Variants in LHCGR observed in about 807,000 individuals in gnomAD.
LHCGR encodes luteinizing hormone/choriogonadotropin receptor.
In LHCGR, 55 loss-of-function variants were observed where a neutral mutation model predicts 60.7. The observed-to-expected ratio is 0.91, with a 90% CI of 0.73 to 1.13. The LOEUF is 1.13. LHCGR is among the 50% of genes most tolerant of loss of function. The probability of loss-of-function intolerance (pLI) is 0.00; values close to 1 mark genes in which losing one functional copy is unlikely to be tolerated. For missense variants in LHCGR, 862 were observed against 836.0 expected, an observed-to-expected ratio of 1.03 and a Z score of -0.38; for synonymous variants, 337 against 316.5, an observed-to-expected ratio of 1.06 and a Z score of -0.69.
At chr2:48,706,213 A>G (rs576090221) in intron 8 of LHCGR, among the ~76,000 whole-genome samples, 26 of 152,326 alleles carry the variant, frequency 1.7e-4, no homozygotes, top group African/African-American at 6.3e-4. Context: ...AGAATGTTGA[A>G]TATTGGCCCC....
chr2:48,749,670 A>G (rs1198278212), intron 1 of LHCGR, among the ~76,000 whole-genome samples: 5 of 151,932 alleles, frequency 3.3e-5, no homozygotes, highest in African/African-American at 1.2e-4. Context: ...GAGGTGGGCA[A>G]AAGAGCAGAA....
chr2:48,698,614 C>G lies in LHCGR; in HGVS notation c.866+1G>C. ...GGCTTTACCTTTTGGTTTCTACTTA[C>G]TCTTTTGTTGGCAAGTTTCTAAAAG... On this transcript the variant is annotated splice_donor_variant, in intron 9 of 10. Coordinates refer to ENST00000294954, the MANE Select transcript of LHCGR (RefSeq NM_000233.4). LOFTEE classifies it high-confidence loss of function. 6.2e-7 allele frequency: 1 copy of G among 1,613,696 alleles called. No individual in the cohort carries two copies.
chr2:48,731,142 T>A (rs922880768), intron 2 of LHCGR, 85 bp downstream of exon 2: 1 of 887,356 alleles, frequency 1.1e-6, no homozygotes, highest in African/African-American at 1.7e-5. Context: ...CCTAGAAAAA[T>A]TATCCCCTTT....
intron 1 of LHCGR, among the ~76,000 whole-genome samples, chr2:48,732,583 A>G (rs1005986946): frequency 2.0e-5 from 3 of 152,186 alleles, no homozygotes; most frequent in African/African-American, 7.2e-5. Flanking sequence ...TAACCTGAAC[A>G]AGGTTACAAC....
intron 3 of LHCGR, among the ~76,000 whole-genome samples, chr2:48,728,780 G>A (rs1668857460): frequency 6.6e-6 from 1 of 152,160 alleles, no homozygotes; most frequent in Admixed American, 6.5e-5. Context: ...ATGAGTGAAT[G>A]TGCCAAAACA....
chr2:48,694,825 C>G (rs1463222090), intron 9 of LHCGR, among the ~76,000 whole-genome samples: 1 of 152,122 alleles, frequency 6.6e-6, no homozygotes, highest in Non-Finnish European at 1.5e-5. Context: ...ATCTTTCCCT[C>G]TAAGAAGTTT....
At chr2:48,722,635 C>T (rs1348352695) in intron 6 of LHCGR, among the ~76,000 whole-genome samples, 1 of 152,162 alleles carries the variant, frequency 6.6e-6, no homozygotes, top group Non-Finnish European at 1.5e-5. Flanking sequence ...GGTGCTGGCT[C>T]ACCCTTCACC....
At chr2:48,742,792 C>T (rs1419052988) in intron 1 of LHCGR, among the ~76,000 whole-genome samples, 1 of 151,860 alleles carries the variant, frequency 6.6e-6, no homozygotes, top group African/African-American at 2.4e-5. Flanking sequence ...ACTAGAAAAG[C>T]AAGAGCAAAC....
intron 9 of LHCGR, among the ~76,000 whole-genome samples, chr2:48,695,561 C>T (rs1667075930): frequency 6.6e-6 from 1 of 152,000 alleles, no homozygotes; most frequent in African/African-American, 2.4e-5. Context: ...CGGTATATAC[C>T]CAATGAAATA....
intron 1 of LHCGR, among the ~76,000 whole-genome samples, chr2:48,742,680 C>T (rs1358771669): frequency 1.4e-4 from 22 of 151,958 alleles, no homozygotes; most frequent in African/African-American, 3.9e-4. Flanking sequence ...ATCTCTGGGA[C>T]GCATTCAAAG....
At chr2:48,742,198 C>G (rs1412739659) in intron 1 of LHCGR, among the ~76,000 whole-genome samples, 1 of 151,960 alleles carries the variant, frequency 6.6e-6, no homozygotes, top group Admixed American at 6.6e-5. Context: ...AAAGCAAGTC[C>G]TGAGTGACCT....
Position 48,698,815 on chromosome 2 carries a change from G to A in LHCGR, c.681-15C>T. On this transcript the variant is annotated splice_polypyrimidine_tract_variant and intron_variant, in intron 8 of 10. Coordinates refer to ENST00000294954, the MANE Select transcript of LHCGR (RefSeq NM_000233.4). ...AAGAAATATCCCTGAACAATAAAGG[G>A]GAGAAATGCTTTTTATTTATTTATT... 3.1e-6 allele frequency: 5 copies of A among 1,601,854 alleles called. No individual in the cohort carries two copies. Among genetic ancestry groups the A allele is most frequent in the Non-Finnish European group, 4.3e-6 (5 of 1,170,254 alleles).
Position 48,721,316 on chromosome 2 carries a change from G to A in LHCGR, c.536+2140C>T, listed in dbSNP as rs556939687. The A allele has an allele frequency of 6.2e-5, 11 of 176,276 alleles. 1 individual carries two copies. Among genetic ancestry groups the A allele is most frequent in the South Asian group, 2.7e-4 (2 of 7,426 alleles). 10.9% of individuals were successfully genotyped at this position (176,276 alleles called of 1,614,324 possible). A position where few individuals can be genotyped will look rare whatever the true frequency, so the allele number is the denominator to read the frequency against. ...GTAGTTCCAGATCCATTATGCAATGGTGAGTTGAAAACACTTTATAAGCAG... is the reference window on the plus strand; with the variant it reads ...GTAGTTCCAGATCCATTATGCAATGATGAGTTGAAAACACTTTATAAGCAG... On this transcript the variant is annotated intron_variant, in intron 6 of 10. Transcript: ENST00000294954.
chr2:48,719,258 T>A (rs1180260181), intron 6 of LHCGR, among the ~76,000 whole-genome samples: 1 of 152,024 alleles, frequency 6.6e-6, no homozygotes, highest in Non-Finnish European at 1.5e-5. Flanking sequence ...GTGAGCTATG[T>A]CAAAGTGGGA....
chr2:48,752,854 C>A (rs975564797), intron 1 of LHCGR, among the ~76,000 whole-genome samples: 2 of 151,726 alleles, frequency 1.3e-5, no homozygotes, highest in African/African-American at 4.8e-5. Flanking sequence ...CCATGGATTC[C>A]TTCCTGCAGT....
intron 7 of LHCGR, 54 bp from the exon 8 acceptor site, chr2:48,709,076 C>T (rs1328594397): frequency 8.0e-6 from 11 of 1,377,082 alleles, no homozygotes; most frequent in East Asian, 4.6e-5. Flanking sequence ...TGTAAGCATT[C>T]GTAGCTCCAT....
intron 1 of LHCGR, 89 bp downstream of exon 1, chr2:48,755,422 G>C: frequency 6.1e-6 from 5 of 823,796 alleles, no homozygotes; most frequent in Non-Finnish European, 7.6e-6. Flanking sequence ...TCCAGGGAAA[G>C]GGGGCCAAAG....
intron 2 of LHCGR, among the ~76,000 whole-genome samples, chr2:48,729,435 T>A (rs982075586): frequency 6.6e-6 from 1 of 152,138 alleles, no homozygotes; most frequent in East Asian, 1.9e-4. Context: ...CCAAGTGCAG[T>A]TGAAATGCAA....
At chr2:48,728,904 A>G (rs948709391) in intron 3 of LHCGR, among the ~76,000 whole-genome samples, 1 of 152,170 alleles carries the variant, frequency 6.6e-6, no homozygotes, top group Non-Finnish European at 1.5e-5. Flanking sequence ...CATAATGTCA[A>G]TTTTAATTTC....
Sources: gnomAD v4.1 joint callset for allele counts (sites outside exome capture counted in the v4.1 genomes callset) on GRCh38, gnomAD v4.1.1 for gene constraint, MANE v1.5 for transcripts, NCBI Gene and HGNC (gene_info 2026-07-23, HGNC 2026-07-21) for gene names.